GLIS2: variants seen among roughly 807,000 people sequenced by gnomAD.
GLIS2 encodes GLIS family zinc finger 2, also known as zinc finger protein GLIS2.
A neutral mutation model predicts 35.6 loss-of-function variants in GLIS2; 14 were observed. That is an observed-to-expected ratio of 0.39 (90% CI 0.26 to 0.61). The LOEUF (loss-of-function observed/expected upper bound fraction) is 0.61. Ranked by LOEUF, GLIS2 falls within the 20% of genes least tolerant of loss-of-function variation. GLIS2 has a pLI of 0.48. For missense variants in GLIS2, 675 were observed against 713.4 expected, an observed-to-expected ratio of 0.95 and a Z score of 0.61; for synonymous variants, 368 against 325.1, an observed-to-expected ratio of 1.13 and a Z score of -1.42.
intron 3 of GLIS2, among the ~76,000 whole-genome samples, chr16:4,334,256 T>TA (rs1158893924): frequency 2.4e-4 from 32 of 134,138 alleles, no homozygotes; most frequent in Non-Finnish European, 4.3e-4. Context: ...TTTTTTTTTT[T>TA]AAACAGGGTC....
chr16:4,315,340 C>G (rs997542473), upstream of GLIS2: 7 of 152,200 alleles, frequency 4.6e-5, no homozygotes, highest in African/African-American at 4.8e-5. Flanking sequence ...GACCTCTGCC[C>G]GCCGGGCGCT....
chr16:4,325,415 T>TTGCCC (rs2053420006), intron 1 of GLIS2: 2 of 152,264 alleles, frequency 1.3e-5, no homozygotes, highest in South Asian at 2.1e-4. Context: ...CTATGGGTAC[T>TTGCCC]GTCCTCATGC....
rs1175799337 is a variant in GLIS2, at chr16:4,330,491, G to T, written c.-66-1724G>T. ...CCAGCTGCCCCCTGGTGGCGACCCA[G>T]CGCCCTGGGGCTCCCTGGCTTGCGA... On this transcript the variant is annotated intron_variant, in intron 1 of 6. Transcript: ENST00000433375. Among the ~76,000 whole-genome samples, 3 of 152,214 alleles carry T rather than the reference G, an allele frequency of 2.0e-5. No individual in the cohort carries two copies. In the East Asian group the frequency reaches 5.8e-4, roughly 29 times the overall value.
intron 1 of GLIS2, among the ~76,000 whole-genome samples, chr16:4,318,248 A>C (rs2053336867): frequency 6.6e-6 from 1 of 151,986 alleles, no homozygotes; most frequent in Non-Finnish European, 1.5e-5. Context: ...CTCCACCACC[A>C]ACTTCCAGTG....
intron 3 of GLIS2, among the ~76,000 whole-genome samples, chr16:4,334,523 CCACCG>C (rs1434143421): frequency 2.0e-5 from 3 of 152,026 alleles, no homozygotes; most frequent in African/African-American, 7.3e-5. Flanking sequence ...CAGGCGTGAG[CCACCG>C]CACCTGGCTA....
intron 1 of GLIS2, chr16:4,324,550 G>C (rs2053410579): frequency 6.6e-6 from 1 of 152,602 alleles, no homozygotes; most frequent in Non-Finnish European, 1.5e-5. Flanking sequence ...TCCTGGTTCA[G>C]GGTGAGACTG....
At chr16:4,315,111 G>A (rs1170445555), upstream of GLIS2, 1 of 152,232 alleles carries the variant, frequency 6.6e-6, no homozygotes, top group African/African-American at 2.4e-5. Flanking sequence ...TAGACCTCCC[G>A]CGGCGCTCGG....
intron 1 of GLIS2, chr16:4,324,647 C>G (rs1029407506): frequency 6.6e-6 from 1 of 152,286 alleles, no homozygotes; most frequent in Non-Finnish European, 1.5e-5. Flanking sequence ...TGCACACTGG[C>G]GACGATTCAT....
Position 4,335,035 on chromosome 16 carries a change from T to C in GLIS2, c.523-25T>C, listed in dbSNP as rs1483019569. ...CTGGGGCAGGTCACCCCGCATGGGC[T>C]CAGAACACTTCCCATCCTCCGCAGT... On this transcript the variant is annotated intron_variant, in intron 4 of 6. Coordinates refer to ENST00000433375, the MANE Select transcript of GLIS2 (RefSeq NM_032575.3). This position sits in a 1 kb window ranked among gnomAD's most constrained non-coding sequence, Gnocchi z 4.6. 2 of 1,613,152 alleles carry C rather than the reference T, an allele frequency of 1.2e-6. No homozygotes were observed. Among genetic ancestry groups the C allele is most frequent in the Non-Finnish European group, 1.7e-6 (2 of 1,180,024 alleles).
At chr16:4,333,322 A>G (rs1456458685) in intron 2 of GLIS2, 25 bp from the exon 3 acceptor site, 6 of 1,612,098 alleles carry the variant, frequency 3.7e-6, no homozygotes, top group Non-Finnish European at 5.1e-6. Flanking sequence ...ACTCCAGCAC[A>G]CCCTGAACTG....
At chr16:4,327,736 C>T (rs1305529357) in intron 1 of GLIS2, among the ~76,000 whole-genome samples, 1 of 151,470 alleles carries the variant, frequency 6.6e-6, no homozygotes, top group African/African-American at 2.4e-5. Context: ...CCCGGTCCCC[C>T]GAAGCCCCCG....
At position 4,332,071 on chromosome 16, in the gene GLIS2, C is replaced by T. The variant is rs931088171; in HGVS notation, c.-66-144C>T. 56 of 657,074 alleles carry T rather than the reference C, an allele frequency of 8.5e-5. 1 individual carries two copies. The highest frequency in any genetic ancestry group is 1.4e-4 in the African/African-American group (8 of 56,134). The allele number at this position is 657,074 out of a possible 1,614,324, so 40.7% of individuals were successfully genotyped here. ...TTGGCTCTCCCCCCATGATAGCTGC[C>T]GGCCAGGTCGCTCGGAGGGTCTCCC... On this transcript the variant is annotated intron_variant, in intron 1 of 6. Coordinates refer to ENST00000433375, the MANE Select transcript of GLIS2 (RefSeq NM_032575.3). The surrounding 1 kb of genome is among the most constrained non-coding windows in gnomAD (Gnocchi z 5.4).
intron 2 of GLIS2, among the ~76,000 whole-genome samples, chr16:4,333,140 G>A (rs1029923111): frequency 3.9e-5 from 6 of 152,168 alleles, no homozygotes; most frequent in Non-Finnish European, 1.5e-5. Context: ...CGGCTCACGG[G>A]GGCCAAGCTC....
intron 2 of GLIS2, 141 bp from the exon 3 acceptor site, chr16:4,333,206 C>A: frequency 1.1e-6 from 1 of 905,652 alleles, no homozygotes; most frequent in South Asian, 1.4e-5. Flanking sequence ...GTCAGCTCCA[C>A]AGGCTGCTCC....
intron 1 of GLIS2, chr16:4,324,681 A>G (rs2053411846): frequency 6.6e-6 from 1 of 152,262 alleles, no homozygotes; most frequent in African/African-American, 2.4e-5. Context: ...TTAAGCACCT[A>G]CTATGTGCCA....
At position 4,334,864 on chromosome 16, in the gene GLIS2, G is replaced by A. The variant is rs759418917; in HGVS notation, c.409G>A (p.Gly137Ser). The change falls in exon 4 of 7, where the codon GGC becomes AGC. Residue 137 changes from glycine to serine, a missense_variant. Coordinates refer to ENST00000433375, the MANE Select transcript of GLIS2 (RefSeq NM_032575.3). ...PSSFQFFLPLGSGGALHLPAS... is the reference protein window; with the variant it reads ...PSSFQFFLPLSSGGALHLPAS... ...CTCCTTCCAGTTCTTCCTGCCCCTC[G>A]GCTCCGGGGGGGCCCTGCACCTGCC... is the stretch of plus-strand genomic sequence containing the variant. 20 of 1,613,056 alleles carry A rather than the reference G, an allele frequency of 1.2e-5. No homozygotes were observed. Among genetic ancestry groups the A allele is most frequent in the Admixed American group, 3.3e-5 (2 of 59,982 alleles).
intron 1 of GLIS2, among the ~76,000 whole-genome samples, chr16:4,324,966 T>TGCCCCTGCCCGCCA (rs1361474493): frequency 6.6e-6 from 1 of 152,176 alleles, no homozygotes; most frequent in Non-Finnish European, 1.5e-5. Context: ...CAGCAGGCCC[T>TGCCCCTGCCCGCCA]GCCCCTGCCC....
rs1227691577 is a variant in GLIS2 at position 4,332,386 on chromosome 16, C to T, written c.106C>T (p.Leu36=). 1 of 1,612,878 alleles carries T rather than the reference C, an allele frequency of 6.2e-7. No homozygotes were observed. Among genetic ancestry groups the T allele is most frequent in the African/African-American group, 1.3e-5 (1 of 74,926 alleles). ...GCTGGGTGTGGTCCGGCCCCGTGCT[C>T]TGCACAGGGAGCTGGGCCTGGTGGA... ...RTLGVVRPRA[L]HRELGLVDDS... is the part of the protein sequence containing the mutation. Residue 36 remains leucine, a synonymous_variant, in exon 2 of 7, where the codon CTG becomes TTG. Transcript: ENST00000433375. The surrounding 1 kb of genome is among the most constrained non-coding windows in gnomAD (Gnocchi z 5.4).
rs763272271 is a variant in GLIS2, at chr16:4,335,116, T to C, written c.579T>C (p.His193=). 1.9e-6 allele frequency: 3 copies of C among 1,613,368 alleles called. No homozygotes were observed. Among genetic ancestry groups the C allele is most frequent in the East Asian group, 2.2e-5 (1 of 44,884 alleles). ...TGGTGGACCATGTCAACGATTACCA[T>C]GTCAAGCCCGAGAAGGATGCGGGGT... ...QDLVDHVNDY[H]VKPEKDAGYC... The change falls in exon 5 of 7, where the codon CAT becomes CAC. Residue 193 remains histidine (H), a synonymous_variant. Transcript: ENST00000433375. This position sits in a 1 kb window ranked among gnomAD's most constrained non-coding sequence, Gnocchi z 4.6.
Sources: allele counts gnomAD v4.1 joint callset (sites outside exome capture counted in the v4.1 genomes callset), GRCh38; gene constraint gnomAD v4.1.1; non-coding constraint Gnocchi (gnomAD v3.1); transcripts MANE v1.5; gene names NCBI Gene and HGNC (gene_info 2026-07-23, HGNC 2026-07-21).